Variants in GZMB observed in about 807,000 individuals in gnomAD.
GZMB encodes granzyme B.
Under a neutral mutation model 24.2 loss-of-function variants are expected in GZMB, and 27 were observed. That is an observed-to-expected ratio of 1.12 (90% CI 0.82 to 1.54). GZMB has a LOEUF of 1.54. GZMB is among the 40% of genes most tolerant of loss of function. The pLI, the probability that GZMB is intolerant of heterozygous loss-of-function variation, is 0.00. For synonymous variants in GZMB, 121 were observed against 115.1 expected (o/e 1.05, Z -0.33); for missense variants, 336 against 310.1 (o/e 1.08, Z -0.63).
At chr14:24,633,123 T>A in intron 1 of GZMB, 61 bp from the exon 2 acceptor site, 1 of 1,531,046 alleles carries the variant, frequency 6.5e-7, no homozygotes, top group Non-Finnish European at 8.8e-7. Flanking sequence ...GGCACCTGCT[T>A]AGTGGCTCCA....
At chr14:24,634,013 A>C (rs2067020682) in intron 1 of GZMB, 93 bp downstream of exon 1, 1 of 1,145,174 alleles carries the variant, frequency 8.7e-7, no homozygotes, top group African/African-American at 1.5e-5. Flanking sequence ...AGTTCAGAAC[A>C]TTCCTGGTAG....
At chr14:24,631,332 G>T in intron 4 of GZMB, 118 bp from the exon 5 acceptor site, 1 of 819,506 alleles carries the variant, frequency 1.2e-6, no homozygotes, top group East Asian at 2.7e-5. Context: ...GGAGACCAGA[G>T]GGCAGGGCAG....
In GZMB at chr14:24,631,955, T is replaced by A. The variant is rs749153595; in HGVS notation, c.503A>T (p.Gln168Leu). The part of the protein sequence containing the change: ...HTLQEVKMTV[Q>L]EDRKCESDLR... ...GTCAGATTCGCACTTTCGATCTTCC[T>A]GCACTGTCATCTTCACCTCTTGTAG... Residue 168 changes from glutamine (Q) to leucine (L), a missense_variant, in exon 4 of 5, where the codon CAG becomes CTG. Coordinates refer to ENST00000216341, the MANE Select transcript of GZMB (RefSeq NM_004131.6). 16 of 1,614,106 alleles carry A rather than the reference T, an allele frequency of 9.9e-6. No individual in the cohort carries two copies. In the African/African-American group the frequency reaches 2.1e-4, roughly 22 times the overall value.
At chr14:24,631,315 A>G (rs1856814728) in intron 4 of GZMB, 101 bp from the exon 5 acceptor site, 1 of 1,012,978 alleles carries the variant, frequency 9.9e-7, no homozygotes, top group African/African-American at 1.6e-5. Context: ...TGCACAGCCT[A>G]CATGTGGGAG....
intron 1 of GZMB, among the ~76,000 whole-genome samples, chr14:24,633,504 T>C (rs150228225): frequency 6.6e-6 from 1 of 152,156 alleles, no homozygotes; most frequent in Non-Finnish European, 1.5e-5. Context: ...GGCTGCATGA[T>C]GGACTGGCTC....
intron 1 of GZMB, 36 bp downstream of exon 1, chr14:24,634,070 G>A (rs754659432): frequency 2.6e-6 from 4 of 1,558,656 alleles, no homozygotes; most frequent in Non-Finnish European, 3.5e-6. Context: ...CCTGTGGGAT[G>A]GGGTTGGGCC....
At position 24,634,169 on chromosome 14, in the gene GZMB, G is replaced by C; in HGVS notation, c.-9C>G. 6.3e-7 allele frequency: 1 copy of C among 1,585,990 alleles called. No homozygotes were observed. Among genetic ancestry groups the C allele is most frequent in the Non-Finnish European group, 8.6e-7 (1 of 1,166,788 alleles). Reference sequence around the variant, plus strand: ...AGCAGGATTGGTTGCATCTTCTCAGGAAGGCTGCCCTGGTTGGAGCTGCTG... The same window carrying C: ...AGCAGGATTGGTTGCATCTTCTCAGCAAGGCTGCCCTGGTTGGAGCTGCTG... On this transcript the variant is annotated 5_prime_UTR_variant, in exon 1 of 5. Transcript: ENST00000216341.
At chr14:24,632,285 T>G (rs1161327937) in intron 3 of GZMB, 39 bp downstream of exon 3, 2 of 1,586,046 alleles carry the variant, frequency 1.3e-6, no homozygotes, top group Non-Finnish European at 1.7e-6. Context: ...TGGAACCAAC[T>G]GGACCAAGAA....
chr14:24,631,280 A>G (rs902719238), intron 4 of GZMB, 66 bp from the exon 5 acceptor site: 2 of 1,477,592 alleles, frequency 1.4e-6, no homozygotes, highest in East Asian at 2.3e-5. Flanking sequence ...TTCCATCTCA[A>G]GCCCCCTTTT....
At position 24,632,994 on chromosome 14, in the gene GZMB, C is replaced by A. The variant is rs374673076; in HGVS notation, c.124G>T (p.Asp42Tyr). ...RPYMAYLMIW[D>Y]QKSLKRCGGF... ...CCGCACCTCTTCAGAGACTTCTGAT[C>A]CCAGATCATAAGATAAGCCATGTAG... The change falls in exon 2 of 5, where the codon GAT (aspartate) becomes TAT (tyrosine). Residue 42 changes from aspartate to tyrosine, a missense_variant. By Grantham distance (160) the Asp-to-Tyr change is radical (BLOSUM62 -3). Transcript: ENST00000216341. The A allele has an allele frequency of 9.3e-6, 15 of 1,613,862 alleles. No individual in the cohort carries two copies. In the African/African-American group the frequency reaches 1.2e-4, roughly 13 times the overall value.
At chr14:24,632,141 G>A in intron 3 of GZMB, 23 bp from the exon 4 acceptor site, 2 of 1,610,512 alleles carry the variant, frequency 1.2e-6, no homozygotes. Context: ...AGGCAAGAAA[G>A]TCCAGGTCAG....
chr14:24,631,880 T>C lies in GZMB; in HGVS notation c.578A>G (p.Glu193Gly), dbSNP rs376295619. Residue 193 changes from glutamate (E) to glycine (G), a missense_variant, in exon 4 of 5, where the codon GAG (glutamate) becomes GGG (glycine). Transcript: ENST00000216341. ...STIELCVGDP[E>G]IKKTSFKGDS... ...TACCTTAAAGGAAGTCTTTTTAATC[T>C]CTGGGTCCCCCACGCACAACTCAAT... The C allele has an allele frequency of 5.0e-6, 8 of 1,613,864 alleles. No homozygotes were observed. The highest frequency in any genetic ancestry group is 2.2e-5 in the South Asian group (2 of 91,078).
chr14:24,632,010 T>C lies in GZMB; in HGVS notation c.448A>G (p.Thr150Ala). Reference protein sequence around the residue: ...QTCSVAGWGQTAPLGKHSHTL... With the variant: ...QTCSVAGWGQAAPLGKHSHTL... ...TGTGAGTGTTTTCCCAGGGGGGCCG[T>C]CTGCCCCCAGCCGGCCACACTGCAT... The change falls in exon 4 of 5, where the codon ACG becomes GCG. Residue 150 changes from threonine to alanine, a missense_variant. Transcript: ENST00000216341. 6.2e-7 allele frequency: 1 copy of C among 1,614,200 alleles called. No homozygotes were observed. The highest frequency in any genetic ancestry group is 8.5e-7 in the Non-Finnish European group (1 of 1,179,998).
At chr14:24,634,076 G>A (rs781027493) in intron 1 of GZMB, 30 bp downstream of exon 1, 21 of 1,570,314 alleles carry the variant, frequency 1.3e-5, no homozygotes, top group African/African-American at 2.7e-5. Context: ...GGATGGGGTT[G>A]GGCCCCCGAG....
Position 24,631,222 on chromosome 14 carries a change from T to A in GZMB, c.601-8A>T. 1 of 1,612,068 alleles carries A rather than the reference T, an allele frequency of 6.2e-7. No individual in the cohort carries two copies. Among genetic ancestry groups the A allele is most frequent in the Non-Finnish European group, 8.5e-7 (1 of 1,178,976 alleles). On this transcript the variant is annotated splice_region_variant and splice_polypyrimidine_tract_variant and intron_variant, in intron 4 of 4. Coordinates refer to ENST00000216341, the MANE Select transcript of GZMB (RefSeq NM_004131.6). ...AGGGCCTCCAGAGTCCCCCTGTGAATAGAGAGTGGAAGGACTGAGCTGATG... is the reference window on the plus strand; with the variant it reads ...AGGGCCTCCAGAGTCCCCCTGTGAAAAGAGAGTGGAAGGACTGAGCTGATG...
intron 3 of GZMB, 63 bp downstream of exon 3, chr14:24,632,261 C>T (rs2067003537): frequency 1.3e-6 from 2 of 1,549,762 alleles, no homozygotes; most frequent in Middle Eastern, 2.4e-4. Context: ...GAAGGGCCGG[C>T]ATTCCAGGGG....
At chr14:24,633,956 G>A (rs1273152019) in intron 1 of GZMB, 150 bp downstream of exon 1, 1 of 760,274 alleles carries the variant, frequency 1.3e-6, no homozygotes, top group South Asian at 1.5e-5. Flanking sequence ...CCTGCTGATA[G>A]CTTATCCAGC....
Position 24,632,115 on chromosome 14 carries a change from C to T in GZMB, c.343G>A (p.Glu115Lys), listed in dbSNP as rs1408409920. 1.2e-6 allele frequency: 2 copies of T among 1,613,302 alleles called. No homozygotes were observed. Among genetic ancestry groups the T allele is most frequent in the Non-Finnish European group, 8.5e-7 (1 of 1,179,418 alleles). The change falls in exon 4 of 5, where the codon GAG (glutamate) becomes AAG (lysine). Residue 115 changes from glutamate (E) to lysine (K), a missense_variant. Coordinates refer to ENST00000216341, the MANE Select transcript of GZMB (RefSeq NM_004131.6). ...FSNDIMLLQL[E>K]RKAKRTRAVQ... ...GCTCTGGTCCGCTTGGCCTTTCTCT[C>T]CAGCTGGTGGGGAAGAGGCAAGAAA...
chr14:24,634,145 G>A lies in GZMB; in HGVS notation c.16C>T (p.Leu6Phe). 2 of 1,593,942 alleles carry A rather than the reference G, an allele frequency of 1.3e-6. No homozygotes were observed. Among genetic ancestry groups the A allele is most frequent in the Non-Finnish European group, 1.7e-6 (2 of 1,171,406 alleles). The change falls in exon 1 of 5, where the codon CTT becomes TTT. Residue 6 changes from leucine (L) to phenylalanine (F), a missense_variant. Coordinates refer to ENST00000216341, the MANE Select transcript of GZMB (RefSeq NM_004131.6). MQPIL[L>F]LLAFLLLPRA... is the part of the protein sequence containing the mutation. ...GGCAGCAGGAGGAAGGCCAGCAGAA[G>A]CAGGATTGGTTGCATCTTCTCAGGA... is the stretch of plus-strand genomic sequence containing the variant.
Sources: gnomAD v4.1 joint callset for allele counts (sites outside exome capture counted in the v4.1 genomes callset) on GRCh38, gnomAD v4.1.1 for gene constraint, MANE v1.5 for transcripts, NCBI Gene and HGNC (gene_info 2026-07-23, HGNC 2026-07-21) for gene names.